The following SEZ6L variants were observed in gnomAD, a reference collection of about 807,000 sequenced individuals.
SEZ6L encodes the protein seizure 6-like protein.
SEZ6L carries 37 observed loss-of-function variants against 106.2 expected under a neutral mutation model. That is an observed-to-expected ratio of 0.35 (90% CI 0.27 to 0.46). The LOEUF (loss-of-function observed/expected upper bound fraction) is 0.46. Among genes scored for constraint, SEZ6L ranks in the 20% least tolerant of loss-of-function variants. The pLI is 1.00. For missense variants in SEZ6L, 1,172 were observed against 1,332.8 expected (o/e 0.88, Z 1.88); for synonymous variants, 541 against 570.4 (o/e 0.95, Z 0.73).
intron 1 of SEZ6L, among the ~76,000 whole-genome samples, chr22:26,195,003 A>G (rs973187795): frequency 1.3e-5 from 2 of 152,312 alleles, no homozygotes; most frequent in Admixed American, 6.5e-5. Context: ...TTTTTGCTGG[A>G]CAGGACATAA....
intron 15 of SEZ6L, 37 bp downstream of exon 15, chr22:26,375,726 C>A: frequency 1.3e-6 from 2 of 1,515,208 alleles, no homozygotes; most frequent in Non-Finnish European, 1.8e-6. Context: ...GCCAAGCACC[C>A]AGCCACCAGT....
chr22:26,251,517 C>T (rs974838195), intron 1 of SEZ6L, among the ~76,000 whole-genome samples: 12 of 152,074 alleles, frequency 7.9e-5, no homozygotes, highest in Admixed American at 6.5e-4. Flanking sequence ...TACTTCAGGG[C>T]CTGTAAAGAC....
intron 1 of SEZ6L, among the ~76,000 whole-genome samples, chr22:26,247,631 A>C (rs1316888019): frequency 6.6e-6 from 1 of 152,204 alleles, no homozygotes; most frequent in Non-Finnish European, 1.5e-5. Flanking sequence ...CGGAGCCTAC[A>C]GAAAAGACAT....
At chr22:26,248,440 G>A (rs761656378) in intron 1 of SEZ6L, among the ~76,000 whole-genome samples, 5 of 152,070 alleles carry the variant, frequency 3.3e-5, no homozygotes, top group Non-Finnish European at 5.9e-5. Flanking sequence ...CTGTAACCTC[G>A]AACTCCTGCG....
intron 1 of SEZ6L, among the ~76,000 whole-genome samples, chr22:26,219,007 C>G (rs1001736212): frequency 1.5e-4 from 23 of 152,030 alleles, no homozygotes; most frequent in African/African-American, 5.6e-4. Flanking sequence ...ACCTGGTCCC[C>G]CTGAAGAGTC....
At chr22:26,338,282 C>T (rs1448520948) in intron 9 of SEZ6L, among the ~76,000 whole-genome samples, 3 of 152,220 alleles carry the variant, frequency 2.0e-5, no homozygotes, top group Non-Finnish European at 4.4e-5. Context: ...ACTCTGCAGG[C>T]TTCTATGCCT....
At chr22:26,304,361 AAAAGAAAGAAGAAAGAAAG>A (rs1481616417) in intron 5 of SEZ6L, among the ~76,000 whole-genome samples, 3 of 112,994 alleles carry the variant, frequency 2.7e-5, no homozygotes, top group Admixed American at 9.3e-5. Context: ...CAAAAAAAAA[AAAAGAAAGAAGAAAGAAAG>A]AAAGAAAGAA....
intron 12 of SEZ6L, among the ~76,000 whole-genome samples, chr22:26,355,246 G>C (rs2083404643): frequency 6.6e-6 from 1 of 152,246 alleles, no homozygotes; most frequent in Admixed American, 6.5e-5. Flanking sequence ...AAGGACTGGA[G>C]AGGGTGAGTA....
At chr22:26,313,048 G>A (rs2081889243) in intron 8 of SEZ6L, among the ~76,000 whole-genome samples, 1 of 152,228 alleles carries the variant, frequency 6.6e-6, no homozygotes. Flanking sequence ...ATTTAACAGA[G>A]CGGAATTTAT....
chr22:26,256,961 C>A (rs2079842101), intron 1 of SEZ6L, among the ~76,000 whole-genome samples: 1 of 151,990 alleles, frequency 6.6e-6, no homozygotes, highest in Admixed American at 6.5e-5. Flanking sequence ...GACTCCTGAG[C>A]ATGATCATCA....
chr22:26,245,731 G>A (rs1316780052), intron 1 of SEZ6L, among the ~76,000 whole-genome samples: 3 of 152,172 alleles, frequency 2.0e-5, no homozygotes, highest in African/African-American at 4.8e-5. Context: ...CCTTGAGAAA[G>A]TCACTTCCCT....
chr22:26,209,492 TG>T (rs2078081372), intron 1 of SEZ6L, among the ~76,000 whole-genome samples: 1 of 144,426 alleles, frequency 6.9e-6, no homozygotes, highest in Admixed American at 7.0e-5. Flanking sequence ...GATGGATGGA[TG>T]GATGGATGGC....
intron 11 of SEZ6L, among the ~76,000 whole-genome samples, chr22:26,348,606 AAG>A (rs1263334954): frequency 2.5e-4 from 16 of 63,436 alleles, no homozygotes; most frequent in South Asian, 7.2e-4. Context: ...GAAAGAAAGA[AAG>A]AGAAAAAGAA....
intron 5 of SEZ6L, among the ~76,000 whole-genome samples, chr22:26,303,143 T>C (rs1415451256): frequency 6.6e-6 from 1 of 152,220 alleles, no homozygotes; most frequent in East Asian, 1.9e-4. Context: ...GCTGGCTTAT[T>C]TCACAGAACA....
intron 13 of SEZ6L, among the ~76,000 whole-genome samples, chr22:26,371,081 C>T (rs1400309700): frequency 6.6e-6 from 1 of 151,630 alleles, no homozygotes; most frequent in Non-Finnish European, 1.5e-5. Flanking sequence ...AAAAGTAGTG[C>T]CATGTTATTT....
intron 1 of SEZ6L, among the ~76,000 whole-genome samples, chr22:26,176,428 A>G (rs2123766109): frequency 6.6e-6 from 1 of 152,384 alleles, no homozygotes; most frequent in East Asian, 1.9e-4. Flanking sequence ...GTCCCAAGTC[A>G]GCTTTCTGAG....
intron 1 of SEZ6L, among the ~76,000 whole-genome samples, chr22:26,190,081 A>G (rs1168343651): frequency 2.0e-5 from 3 of 151,156 alleles, no homozygotes; most frequent in Non-Finnish European, 4.4e-5. Flanking sequence ...TGGGCGACAG[A>G]GCAAGACTGT....
intron 1 of SEZ6L, among the ~76,000 whole-genome samples, chr22:26,235,721 C>G (rs776494104): frequency 6.6e-6 from 1 of 152,128 alleles, no homozygotes; most frequent in East Asian, 1.9e-4. Flanking sequence ...AATTAACTTG[C>G]CCTTTTGGGG....
chr22:26,223,605 GA>G (rs199899561), intron 1 of SEZ6L, among the ~76,000 whole-genome samples: 1 of 145,912 alleles, frequency 6.9e-6, no homozygotes, highest in Admixed American at 6.8e-5. Context: ...GTGTCCCTGA[GA>G]AAAAAAAATC....
Sources: allele counts gnomAD v4.1 joint callset (sites outside exome capture counted in the v4.1 genomes callset), GRCh38; gene constraint gnomAD v4.1.1; transcripts MANE v1.5; gene names NCBI Gene and HGNC (gene_info 2026-07-23, HGNC 2026-07-21).